The following CDIP1 variants were observed in gnomAD, a reference collection of about 807,000 sequenced individuals.
CDIP1 encodes the protein cell death inducing p53 target 1, also known as cell death-inducing p53-target protein 1.
CDIP1 carries 9 observed loss-of-function variants against 17.7 expected under a neutral mutation model. The ratio of observed to expected loss-of-function variants is 0.51; its 90% CI spans 0.31 to 0.89. The LOEUF (loss-of-function observed/expected upper bound fraction) is 0.89. CDIP1 is among the 40% of genes least tolerant of loss of function. The probability of loss-of-function intolerance (pLI) is 0.05; values close to 1 mark genes in which losing one functional copy is unlikely to be tolerated. For synonymous variants in CDIP1, 117 were observed against 109.5 expected, an observed-to-expected ratio of 1.07 and a Z score of -0.43; for missense variants, 263 against 277.9, an observed-to-expected ratio of 0.95 and a Z score of 0.38.
chr16:4,537,904 C>T (rs1001854126), intron 1 of CDIP1, among the ~76,000 whole-genome samples: 1 of 152,242 alleles, frequency 6.6e-6, no homozygotes, highest in African/African-American at 2.4e-5. Flanking sequence ...CCATCTCCGC[C>T]GGGGATGCGC....
chr16:4,514,330 CTCAGTAG>C lies in CDIP1; in HGVS notation c.-14-193_-14-187del, dbSNP rs2058866936. Among the ~76,000 whole-genome samples, 2 of 152,210 alleles carry C rather than the reference CTCAGTAG, an allele frequency of 1.3e-5. No individual in the cohort carries two copies. Among genetic ancestry groups the C allele is most frequent in the South Asian group, 4.1e-4 (2 of 4,836 alleles). On this transcript the variant is annotated intron_variant, in intron 2 of 5. Transcript: ENST00000567695. The surrounding 1 kb of genome is among the most constrained non-coding windows in gnomAD (Gnocchi z 5.2). ...TAGCCCAGAGCCACCATCCTCACCT[CTCAGTAG>C]TCACCTGCTCTTCCCTGTTTGGAAG...
chr16:4,518,869 C>G (rs533329030), intron 1 of CDIP1, among the ~76,000 whole-genome samples: 3 of 152,298 alleles, frequency 2.0e-5, no homozygotes, highest in African/African-American at 7.2e-5. Context: ...AATGCAGCCC[C>G]AGCACCTCTG....
intron 1 of CDIP1, among the ~76,000 whole-genome samples, chr16:4,522,074 G>A (rs2058955803): frequency 6.6e-6 from 1 of 152,162 alleles, no homozygotes; most frequent in South Asian, 2.1e-4. Context: ...ACTACAAGGG[G>A]ATGCCTCTAC....
Position 4,529,779 on chromosome 16 carries a change from GAC to G in CDIP1, c.-105+8921_-105+8922del, listed in dbSNP as rs546354982. Reference sequence around the variant, plus strand: ...CCAGCTGTCTGTTGGATGAGATCAAGACACACCACTGCAACCTACAAAAAAGC... The same window carrying G: ...CCAGCTGTCTGTTGGATGAGATCAAGACACCACTGCAACCTACAAAAAAGC... On this transcript the variant is annotated intron_variant, in intron 1 of 5. Transcript: ENST00000567695. 4.6e-5 allele frequency among the ~76,000 whole-genome samples: 7 copies of G among 152,330 alleles called. No homozygotes were observed. In the South Asian group the frequency reaches 1.2e-3, roughly 27 times the overall value.
intron 1 of CDIP1, among the ~76,000 whole-genome samples, chr16:4,520,586 G>T (rs2058936035): frequency 6.6e-6 from 1 of 152,126 alleles, no homozygotes; most frequent in Non-Finnish European, 1.5e-5. Context: ...CTGTAATGCA[G>T]ATCTACCAAT....
rs377399685 is a variant in CDIP1 at position 4,512,777 on chromosome 16, C to T, written c.515+14G>A. 6.9e-6 allele frequency: 11 copies of T among 1,590,658 alleles called. No homozygotes were observed. Among genetic ancestry groups the T allele is most frequent in the Non-Finnish European group, 9.4e-6 (11 of 1,168,084 alleles). ...TGGTGCAGCCCCCACCCTACCAGTGCCCACACCACCTACCCCATGAAGCAA... is the reference window on the plus strand; with the variant it reads ...TGGTGCAGCCCCCACCCTACCAGTGTCCACACCACCTACCCCATGAAGCAA... On this transcript the variant is annotated intron_variant, in intron 5 of 5. Transcript: ENST00000567695. This position sits in a 1 kb window ranked among gnomAD's most constrained non-coding sequence, Gnocchi z 4.6.
intron 1 of CDIP1, among the ~76,000 whole-genome samples, chr16:4,524,828 G>A (rs1217096334): frequency 1.3e-5 from 2 of 152,192 alleles, no homozygotes; most frequent in African/African-American, 4.8e-5. Flanking sequence ...GCACAGACAG[G>A]TGCAGTGGCT....
Position 4,512,667 on chromosome 16 carries a change from A to G in CDIP1, c.532T>C (p.Cys178Arg). Residue 178 changes from cysteine to arginine, a missense_variant, in exon 6 of 6, where the codon TGC becomes CGC. Cys to Arg is a radical substitution (Grantham distance 180, BLOSUM62 -3). Transcript: ENST00000567695. The surrounding 1 kb of genome is among the most constrained non-coding windows in gnomAD (Gnocchi z 4.6). ...CCFMGCDLGCCLIPCLINDFK... is the reference protein window; with the variant it reads ...CCFMGCDLGCRLIPCLINDFK... The stretch of plus-strand genomic sequence containing the variant: ...TCATTGATGAGGCAGGGGATCAGGC[A>G]GCAGCCCAGATCACATCTGAATCAG... 1 of 1,613,748 alleles carries G rather than the reference A, an allele frequency of 6.2e-7. No individual in the cohort carries two copies.
At chr16:4,523,038 C>T (rs556926287) in intron 1 of CDIP1, among the ~76,000 whole-genome samples, 2 of 152,300 alleles carry the variant, frequency 1.3e-5, no homozygotes, top group South Asian at 2.1e-4. Flanking sequence ...CTGTTACTTG[C>T]AAGGGATGGC....
chr16:4,538,293 A>G (rs1008157067), intron 1 of CDIP1: 66 of 152,226 alleles, frequency 4.3e-4, no homozygotes, highest in African/African-American at 1.6e-3. Flanking sequence ...GGGCCCCGCC[A>G]TGCCGCGCCC....
At chr16:4,527,694 C>T (rs886073073) in intron 1 of CDIP1, among the ~76,000 whole-genome samples, 1 of 152,130 alleles carries the variant, frequency 6.6e-6, no homozygotes. Flanking sequence ...CATGTGAACA[C>T]AGATTCACAG....
At position 4,512,454 on chromosome 16, in the gene CDIP1, A is replaced by G; in HGVS notation, c.*118T>C. On this transcript the variant is annotated 3_prime_UTR_variant, in exon 6 of 6. Coordinates refer to ENST00000567695, the MANE Select transcript of CDIP1 (RefSeq NM_013399.3). This position sits in a 1 kb window ranked among gnomAD's most constrained non-coding sequence, Gnocchi z 4.6. ...GCAGGGTGAAGAGGACAGGACTTCTAGGGGATGGTGGCACGGCTCCCAGCC... is the reference window on the plus strand; with the variant it reads ...GCAGGGTGAAGAGGACAGGACTTCTGGGGGATGGTGGCACGGCTCCCAGCC... 1.3e-6 allele frequency: 1 copy of G among 744,514 alleles called. No homozygotes were observed. Among genetic ancestry groups the G allele is most frequent in the Non-Finnish European group, 2.4e-6 (1 of 418,236 alleles). 46.1% of individuals were successfully genotyped at this position (744,514 alleles called of 1,614,324 possible).
rs779773284 is a variant in CDIP1, at chr16:4,512,566, G to C, written c.*6C>G. The C allele has an allele frequency of 3.3e-5, 53 of 1,607,028 alleles. No homozygotes were observed. The highest frequency in any genetic ancestry group is 4.3e-5 in the Non-Finnish European group (50 of 1,173,796). On this transcript the variant is annotated 3_prime_UTR_variant, in exon 6 of 6. Coordinates refer to ENST00000567695, the MANE Select transcript of CDIP1 (RefSeq NM_013399.3). The surrounding 1 kb of genome is among the most constrained non-coding windows in gnomAD (Gnocchi z 4.6). ...ACAGGCGGGGGAGTCCCGAGTCCCA[G>C]CTCCGTTAGCACAGGCGCTTGTACG...
chr16:4,512,353 GC>G lies in CDIP1; in HGVS notation c.*218del. The G allele has an allele frequency of 1.7e-6, 1 of 594,182 alleles. No homozygotes were observed. Among genetic ancestry groups the G allele is most frequent in the Non-Finnish European group, 3.0e-6 (1 of 330,224 alleles). The allele number at this position is 594,182 out of a possible 1,614,324, so 36.8% of individuals were successfully genotyped here. ...CCAACAACACACAAGCTCATTGTCA[GC>G]CCCCTGCCACCCACTGACCCTTGGC... On this transcript the variant is annotated 3_prime_UTR_variant, in exon 6 of 6. Coordinates refer to ENST00000567695, the MANE Select transcript of CDIP1 (RefSeq NM_013399.3). This position sits in a 1 kb window ranked among gnomAD's most constrained non-coding sequence, Gnocchi z 4.6.
intron 1 of CDIP1, among the ~76,000 whole-genome samples, chr16:4,524,461 G>A (rs1359018958): frequency 1.3e-5 from 2 of 152,178 alleles, no homozygotes; most frequent in Non-Finnish European, 2.9e-5. Flanking sequence ...CAACCAAGAG[G>A]GTCCCCGAGC....
At chr16:4,516,416 C>T (rs2058888386) in intron 1 of CDIP1, among the ~76,000 whole-genome samples, 1 of 152,038 alleles carries the variant, frequency 6.6e-6, no homozygotes, top group South Asian at 2.1e-4. Context: ...TAAATTATGT[C>T]AATAAAACTT....
At chr16:4,536,936 T>C (rs755616533) in intron 1 of CDIP1, among the ~76,000 whole-genome samples, 10 of 152,038 alleles carry the variant, frequency 6.6e-5, no homozygotes, top group African/African-American at 9.7e-5. Flanking sequence ...TGGCTCTAAA[T>C]AAATAAATGA....
At chr16:4,531,685 G>A (rs2059058110) in intron 1 of CDIP1, among the ~76,000 whole-genome samples, 1 of 152,326 alleles carries the variant, frequency 6.6e-6, no homozygotes, top group South Asian at 2.1e-4. Flanking sequence ...AGATGACAGA[G>A]CCAAGACAGG....
At chr16:4,526,846 G>A (rs949944429) in intron 1 of CDIP1, among the ~76,000 whole-genome samples, 1 of 152,146 alleles carries the variant, frequency 6.6e-6, no homozygotes, top group African/African-American at 2.4e-5. Context: ...CGCAGGCAGA[G>A]CTGCAGGGGC....
Sources: gnomAD v4.1 joint callset for allele counts (sites outside exome capture counted in the v4.1 genomes callset) on GRCh38, gnomAD v4.1.1 for gene constraint, Gnocchi (gnomAD v3.1) non-coding constraint, MANE v1.5 for transcripts, NCBI Gene and HGNC (gene_info 2026-07-23, HGNC 2026-07-21) for gene names.